SORCS3: variants seen among roughly 807,000 people sequenced by gnomAD.
SORCS3 encodes the protein sortilin related VPS10 domain containing receptor 3.
A neutral mutation model predicts 146.3 loss-of-function variants in SORCS3; 57 were observed. The observed-to-expected ratio is 0.39, with a 90% CI of 0.31 to 0.49. The LOEUF is 0.49. Among genes scored for constraint, SORCS3 ranks in the 20% least tolerant of loss-of-function variants. The pLI, the probability that SORCS3 is intolerant of heterozygous loss-of-function variation, is 0.92. For synonymous variants in SORCS3, 653 were observed against 618.5 expected (o/e 1.06, Z -0.83); for missense variants, 1,341 against 1,575.5 (o/e 0.85, Z 2.52).
At chr10:105,084,116 G>A (rs2055643197) in intron 5 of SORCS3, among the ~76,000 whole-genome samples, 1 of 152,118 alleles carries the variant, frequency 6.6e-6, no homozygotes, top group African/African-American at 2.4e-5. Flanking sequence ...GAGTTGATGA[G>A]AGGATTAAAC....
chr10:104,642,842 G>A (rs760043084), intron 1 of SORCS3, among the ~76,000 whole-genome samples: 3 of 152,190 alleles, frequency 2.0e-5, no homozygotes, highest in Non-Finnish European at 2.9e-5. Context: ...AGGATGTACC[G>A]AGAGGTGGCG....
intron 2 of SORCS3, among the ~76,000 whole-genome samples, chr10:104,875,592 A>G (rs2018563507): frequency 6.6e-6 from 1 of 152,134 alleles, no homozygotes; most frequent in African/African-American, 2.4e-5. Context: ...ATGTTTACTT[A>G]AGATAAACCT....
rs2015419693 is a variant in SORCS3, at chr10:104,641,706, G to A, written c.379G>A (p.Gly127Ser). ...RGIPAPAKLG[G>S]ARRSRRAQPP... Reference sequence around the variant, plus strand: ...CATCCCAGCTCCTGCCAAGCTTGGCGGCGCGAGGAGGAGTCGCCGGGCGCA... The same window carrying A: ...CATCCCAGCTCCTGCCAAGCTTGGCAGCGCGAGGAGGAGTCGCCGGGCGCA... The change falls in exon 1 of 27, where the codon GGC (glycine) becomes AGC (serine). Residue 127 changes from glycine (G) to serine (S), a missense_variant. Coordinates refer to ENST00000369701, the MANE Select transcript of SORCS3 (RefSeq NM_014978.3). The surrounding 1 kb of genome is among the most constrained non-coding windows in gnomAD (Gnocchi z 6.4). 1.3e-6 allele frequency: 2 copies of A among 1,538,372 alleles called. No individual in the cohort carries two copies. The highest frequency in any genetic ancestry group is 2.4e-5 in the South Asian group (2 of 83,290).
At chr10:104,648,624 G>T (rs1414695439) in intron 1 of SORCS3, among the ~76,000 whole-genome samples, 1 of 152,190 alleles carries the variant, frequency 6.6e-6, no homozygotes, top group Non-Finnish European at 1.5e-5. Flanking sequence ...ACTAACCATT[G>T]TTAATGGGGG....
chr10:104,693,223 A>G (rs1020903658), intron 1 of SORCS3, among the ~76,000 whole-genome samples: 1 of 152,212 alleles, frequency 6.6e-6, no homozygotes, highest in African/African-American at 2.4e-5. Flanking sequence ...TCACTTGTGC[A>G]GCCAGGAGAC....
chr10:104,722,883 G>T (rs1271481913), intron 1 of SORCS3, among the ~76,000 whole-genome samples: 2 of 151,836 alleles, frequency 1.3e-5, no homozygotes, highest in Admixed American at 1.3e-4. Context: ...TTCTTTATTA[G>T]TCTTGCTAGC....
intron 3 of SORCS3, among the ~76,000 whole-genome samples, chr10:104,958,071 T>C (rs955388166): frequency 2.7e-4 from 41 of 152,136 alleles, no homozygotes; most frequent in African/African-American, 9.7e-4. Flanking sequence ...AAAAATCTCA[T>C]TTTTCCTCCT....
chr10:104,997,900 AATCACAT>A (rs2133669209), intron 4 of SORCS3, among the ~76,000 whole-genome samples: 1 of 152,288 alleles, frequency 6.6e-6, no homozygotes, highest in South Asian at 2.1e-4. Context: ...ATGAACTGTT[AATCACAT>A]ATGGTGCTAT....
intron 7 of SORCS3, among the ~76,000 whole-genome samples, chr10:105,109,724 T>C (rs2055846926): frequency 6.6e-6 from 1 of 152,074 alleles, no homozygotes; most frequent in Non-Finnish European, 1.5e-5. Context: ...GTTTTTTAAC[T>C]TCAATACTTA....
At chr10:105,135,273 G>A (rs1199145686) in intron 7 of SORCS3, among the ~76,000 whole-genome samples, 4 of 152,116 alleles carry the variant, frequency 2.6e-5, no homozygotes, top group African/African-American at 9.7e-5. Flanking sequence ...GTGGCGATCA[G>A]AGACTTGAGG....
chr10:105,011,625 G>T (rs146712910), intron 4 of SORCS3, among the ~76,000 whole-genome samples: 5 of 152,246 alleles, frequency 3.3e-5, no homozygotes, highest in South Asian at 2.1e-4. Flanking sequence ...TCTGAGGTGA[G>T]GTAGTGTGTC....
chr10:104,681,734 C>T (rs1208324674), intron 1 of SORCS3, among the ~76,000 whole-genome samples: 1 of 152,158 alleles, frequency 6.6e-6, no homozygotes, highest in Non-Finnish European at 1.5e-5. Context: ...TCTCTGTTCT[C>T]CAATACCCCA....
chr10:104,993,865 G>T (rs541837297), intron 4 of SORCS3, among the ~76,000 whole-genome samples: 1 of 152,250 alleles, frequency 6.6e-6, no homozygotes, highest in East Asian at 1.9e-4. Flanking sequence ...TGAAAAGTAT[G>T]CCCCAACATT....
At position 104,886,215 on chromosome 10, in the gene SORCS3, A is replaced by G. The variant is rs935882311; in HGVS notation, c.696-29618A>G. Among the ~76,000 whole-genome samples the G allele has an allele frequency of 2.0e-5, 3 of 152,178 alleles. No homozygotes were observed. In the East Asian group the frequency reaches 5.8e-4, roughly 29 times the overall value. On this transcript the variant is annotated intron_variant, in intron 2 of 26. Transcript: ENST00000369701. ...CAATGAGGTGGAGGTGGAGGCTTTT[A>G]TTTTGGGGTACATGATACATAATGA...
At chr10:105,226,336 T>C (rs1277523662) in intron 20 of SORCS3, among the ~76,000 whole-genome samples, 1 of 152,106 alleles carries the variant, frequency 6.6e-6, no homozygotes, top group Non-Finnish European at 1.5e-5. Context: ...TCATTCACTC[T>C]ATTGATGCAA....
At chr10:104,655,434 G>A (rs971381305) in intron 1 of SORCS3, among the ~76,000 whole-genome samples, 5 of 152,010 alleles carry the variant, frequency 3.3e-5, no homozygotes, top group Non-Finnish European at 7.4e-5. Flanking sequence ...AGCCAGCATT[G>A]TCTGTTGTTC....
intron 14 of SORCS3, among the ~76,000 whole-genome samples, chr10:105,188,579 C>A (rs2056493383): frequency 6.6e-6 from 1 of 152,150 alleles, no homozygotes; most frequent in Admixed American, 6.5e-5. Flanking sequence ...TAGACAAATT[C>A]TACTTGTAAA....
At chr10:105,211,055 A>T in intron 16 of SORCS3, 82 bp from the exon 17 acceptor site, 1 of 856,868 alleles carries the variant, frequency 1.2e-6, no homozygotes, top group Non-Finnish European at 2.0e-6. Flanking sequence ...GGCAATAGGG[A>T]CATGTATATG....
intron 1 of SORCS3, among the ~76,000 whole-genome samples, chr10:104,751,653 G>A (rs1185721313): frequency 2.0e-5 from 3 of 152,014 alleles, no homozygotes; most frequent in Non-Finnish European, 2.9e-5. Context: ...TCACTCAGCT[G>A]TGAAATGAGA....
Sources: gnomAD v4.1 joint callset for allele counts (sites outside exome capture counted in the v4.1 genomes callset) on GRCh38, gnomAD v4.1.1 for gene constraint, Gnocchi (gnomAD v3.1) non-coding constraint, MANE v1.5 for transcripts, NCBI Gene and HGNC (gene_info 2026-07-23, HGNC 2026-07-21) for gene names.